Variants in GLRA3 observed in about 807,000 individuals in gnomAD.
The protein encoded by GLRA3 is glycine receptor subunit alpha-3.
A neutral mutation model predicts 60.4 loss-of-function variants in GLRA3; 44 were observed. The ratio of observed to expected loss-of-function variants is 0.73; its 90% confidence interval spans 0.57 to 0.94. GLRA3 has a LOEUF of 0.94. Among genes scored for constraint, GLRA3 ranks in the 40% least tolerant of loss-of-function variants. The probability of loss-of-function intolerance (pLI) is 0.00; values close to 1 mark genes in which losing one functional copy is unlikely to be tolerated. For missense variants in GLRA3, 508 were observed against 564.6 expected (o/e 0.90, Z 1.02); for synonymous variants, 223 against 192.9 (o/e 1.16, Z -1.29).
intron 3 of GLRA3, among the ~76,000 whole-genome samples, chr4:174,757,318 T>A (rs6828113): frequency 6.6e-6 from 1 of 152,064 alleles, no homozygotes; most frequent in Non-Finnish European, 1.5e-5. Flanking sequence ...CTGTCTGCTG[T>A]GAAGCCTAGA....
intron 9 of GLRA3, among the ~76,000 whole-genome samples, chr4:174,650,765 T>C (rs1732996320): frequency 6.6e-6 from 1 of 152,186 alleles, no homozygotes; most frequent in Non-Finnish European, 1.5e-5. Flanking sequence ...AATGGGCCAA[T>C]GATGGACCCT....
chr4:174,664,461 T>A (rs1479705661), intron 7 of GLRA3, among the ~76,000 whole-genome samples: 2 of 152,020 alleles, frequency 1.3e-5, no homozygotes, highest in Non-Finnish European at 2.9e-5. Flanking sequence ...ACAGCTCCCC[T>A]CTCTTCTCAT....
chr4:174,658,935 A>C, intron 8 of GLRA3, 119 bp downstream of exon 8: 1 of 832,736 alleles, frequency 1.2e-6, no homozygotes, highest in Non-Finnish European at 1.9e-6. Flanking sequence ...AATGAAAGGA[A>C]TATTATATCA....
intron 1 of GLRA3, among the ~76,000 whole-genome samples, chr4:174,825,396 A>AT (rs1207289742): frequency 6.6e-6 from 1 of 152,100 alleles, no homozygotes. Flanking sequence ...AAAATATTAC[A>AT]TTTTTTATTA....
intron 8 of GLRA3, among the ~76,000 whole-genome samples, chr4:174,658,436 C>T (rs1232788689): frequency 1.3e-5 from 2 of 152,142 alleles, no homozygotes; most frequent in Non-Finnish European, 2.9e-5. Context: ...TAGGGGTTTA[C>T]TTCTGCAACT....
intron 5 of GLRA3, among the ~76,000 whole-genome samples, chr4:174,695,981 A>C (rs1579461334): frequency 6.6e-6 from 1 of 152,062 alleles, no homozygotes; most frequent in East Asian, 1.9e-4. Context: ...AAGGCAATTC[A>C]ATTTACAATT....
intron 1 of GLRA3, among the ~76,000 whole-genome samples, chr4:174,799,536 A>T (rs1256522149): frequency 6.6e-6 from 1 of 152,210 alleles, no homozygotes; most frequent in East Asian, 1.9e-4. Flanking sequence ...GTAAGACAAA[A>T]ATTGCATTCT....
rs139210013 is a variant in GLRA3 at position 174,760,607 on chromosome 4, G to A, written c.267+6356C>T. ...ACCATTTCAGCTGGCTGCAAACTCC[G>A]CCTCCTGGGTTCAAGCAATTCTCCT... is the stretch of plus-strand genomic sequence containing the variant. On this transcript the variant is annotated intron_variant, in intron 3 of 9. Coordinates refer to ENST00000274093, the MANE Select transcript of GLRA3 (RefSeq NM_006529.4). Among the ~76,000 whole-genome samples the A allele has an allele frequency of 4.1e-3, 629 of 152,004 alleles. 5 individuals are homozygous for A. Among genetic ancestry groups the A allele is most frequent in the African/African-American group, 0.015 (608 of 41,468 alleles).
chr4:174,639,325 C>T lies in GLRA3; in HGVS notation c.*4461G>A, dbSNP rs1732571047. The T allele has an allele frequency of 1.3e-5, 2 of 150,170 alleles. No individual in the cohort carries two copies. The highest frequency in any genetic ancestry group is 4.9e-5 in the African/African-American group (2 of 40,724). The allele number at this position is 150,170 out of a possible 1,614,324, so 9.3% of individuals were successfully genotyped here. On this transcript the variant is annotated 3_prime_UTR_variant, in exon 10 of 10. Transcript: ENST00000274093. ...ACCTTTGTCTAGAAAAATTGACTGT[C>T]TTTGTATTTTTAATCTAAAGGAATT...
intron 1 of GLRA3, among the ~76,000 whole-genome samples, chr4:174,825,088 G>A (rs1740911020): frequency 6.6e-6 from 1 of 152,020 alleles, no homozygotes; most frequent in Non-Finnish European, 1.5e-5. Context: ...GCATTGACTG[G>A]ACTATGATTC....
intron 4 of GLRA3, among the ~76,000 whole-genome samples, chr4:174,721,063 C>T (rs1223946151): frequency 6.6e-6 from 1 of 150,762 alleles, no homozygotes; most frequent in Non-Finnish European, 1.5e-5. Context: ...GAGTCTTGCT[C>T]TGTCATCAGG....
intron 3 of GLRA3, among the ~76,000 whole-genome samples, chr4:174,765,868 T>C (rs1738117745): frequency 6.6e-6 from 1 of 151,990 alleles, no homozygotes; most frequent in Non-Finnish European, 1.5e-5. Context: ...CTTATTGTAG[T>C]TAAGCTATAC....
chr4:174,792,713 A>G (rs1272822200), intron 1 of GLRA3, among the ~76,000 whole-genome samples: 1 of 152,222 alleles, frequency 6.6e-6, no homozygotes, highest in Non-Finnish European at 1.5e-5. Context: ...AATGTTTTAA[A>G]CAAACTTCTT....
intron 7 of GLRA3, among the ~76,000 whole-genome samples, chr4:174,674,867 A>T (rs28363675): frequency 0.37 from 55,518 of 151,956 alleles, 10,560 homozygotes; most frequent in African/African-American, 0.47. Context: ...AATGCAAGTT[A>T]TAAAGCCCTC....
intron 5 of GLRA3, among the ~76,000 whole-genome samples, chr4:174,694,428 T>C (rs372441696): frequency 9.2e-5 from 14 of 152,100 alleles, no homozygotes; most frequent in African/African-American, 2.9e-4. Flanking sequence ...GTCCGCACTA[T>C]GAAAATTACT....
intron 1 of GLRA3, among the ~76,000 whole-genome samples, chr4:174,810,976 TTC>T (rs1328477273): frequency 6.6e-6 from 1 of 152,084 alleles, no homozygotes; most frequent in Non-Finnish European, 1.5e-5. Context: ...AGTCTTTCTT[TTC>T]TCTCTCATTC....
Position 174,638,709 on chromosome 4 carries a change from T to C in GLRA3, c.*5077A>G, listed in dbSNP as rs529654679. On this transcript the variant is annotated 3_prime_UTR_variant, in exon 10 of 10. Coordinates refer to ENST00000274093, the MANE Select transcript of GLRA3 (RefSeq NM_006529.4). The stretch of plus-strand genomic sequence containing the variant: ...TTGATCCTTATTAAGAGAATAAGCT[T>C]GTGTAAGTTCACACGAATTCTCTCA... 13 of 152,206 alleles carry C rather than the reference T, an allele frequency of 8.5e-5. No homozygotes were observed. Among genetic ancestry groups the C allele is most frequent in the Non-Finnish European group, 1.8e-4 (12 of 68,026 alleles). 9.4% of individuals were successfully genotyped at this position (152,206 alleles called of 1,614,324 possible). A position where few individuals can be genotyped will look rare whatever the true frequency, so the allele number is the denominator to read the frequency against.
intron 1 of GLRA3, among the ~76,000 whole-genome samples, chr4:174,824,304 ATTGT>A (rs1233651475): frequency 1.3e-5 from 2 of 152,156 alleles, no homozygotes; most frequent in African/African-American, 2.4e-5. Context: ...GTAGTGTGTC[ATTGT>A]TTCTTTACAT....
At chr4:174,794,160 C>T (rs1196490652) in intron 1 of GLRA3, among the ~76,000 whole-genome samples, 1 of 152,040 alleles carries the variant, frequency 6.6e-6, no homozygotes, top group Non-Finnish European at 1.5e-5. Context: ...AAAAAAATCA[C>T]ATTTTTCTCA....
Sources: allele counts gnomAD v4.1 joint callset (sites outside exome capture counted in the v4.1 genomes callset), GRCh38; gene constraint gnomAD v4.1.1; transcripts MANE v1.5; gene names NCBI Gene and HGNC (gene_info 2026-07-23, HGNC 2026-07-21).